Variants in TBL2 observed in about 807,000 individuals in gnomAD.
The protein encoded by TBL2 is transducin beta like 2, also known as transducin beta-like protein 2.
TBL2 carries 33 observed loss-of-function variants against 41.8 expected under a neutral mutation model. The observed-to-expected ratio is 0.79, with a 90% CI of 0.60 to 1.06. The LOEUF (loss-of-function observed/expected upper bound fraction) is 1.06, where lower values mean the gene tolerates loss of function less well. TBL2 is among the 50% of genes least tolerant of loss of function. TBL2 has a pLI of 0.00. For synonymous variants in TBL2, 239 were observed against 241.7 expected (o/e 0.99, Z 0.10); for missense variants, 522 against 603.8 (o/e 0.86, Z 1.42).
At chr7:73,573,755 T>C (rs1160926170) in intron 3 of TBL2, 183 bp downstream of exon 3, 1 of 802,242 alleles carries the variant, frequency 1.2e-6, no homozygotes, top group African/African-American at 1.7e-5. Flanking sequence ...GTTTCCTTGC[T>C]GTATAGCAGC....
rs1563451742 is a variant in TBL2 at position 73,573,930 on chromosome 7, T to C, written c.446+8A>G. The C allele has an allele frequency of 1.9e-6, 3 of 1,612,466 alleles. No individual in the cohort carries two copies. Among genetic ancestry groups the C allele is most frequent in the East Asian group, 4.5e-5 (2 of 44,886 alleles). ...TGCAGGCAAACCTGAGGCTCCGTCTTGTCCCACCTGCAGTCAGGGCTGAAG... is the reference window on the plus strand; with the variant it reads ...TGCAGGCAAACCTGAGGCTCCGTCTCGTCCCACCTGCAGTCAGGGCTGAAG... On this transcript the variant is annotated splice_region_variant and intron_variant, in intron 3 of 6. Transcript: ENST00000305632.
chr7:73,573,370 A>T lies in TBL2; in HGVS notation c.548T>A (p.Phe183Tyr). Residue 183 changes from phenylalanine (F) to tyrosine (Y), a missense_variant, in exon 4 of 7, where the codon TTC becomes TAC. Phe to Tyr is a conservative substitution (Grantham distance 22). Transcript: ENST00000305632. ...GACAGGCGCCTTGTGCTTTTTAGGG[A>T]AGTCCTCTGGGGTGGCTGTGAAGGT... The part of the protein sequence containing the change: ...GYTFTATPED[F>Y]PKKHKAPVID... The T allele has an allele frequency of 6.2e-7, 1 of 1,614,112 alleles. No homozygotes were observed.
intron 1 of TBL2, among the ~76,000 whole-genome samples, chr7:73,576,113 C>T (rs1380228638): frequency 1.3e-5 from 2 of 150,938 alleles, no homozygotes; most frequent in Non-Finnish European, 2.9e-5. Flanking sequence ...GCAAAAGTAC[C>T]GAACACAAGC....
At position 73,570,484 on chromosome 7, in the gene TBL2, C is replaced by T; in HGVS notation, c.*23G>A. The T allele has an allele frequency of 1.3e-6, 2 of 1,484,178 alleles. No individual in the cohort carries two copies. Among genetic ancestry groups the T allele is most frequent in the Non-Finnish European group, 1.8e-6 (2 of 1,118,760 alleles). 91.9% of individuals were successfully genotyped at this position (1,484,178 alleles called of 1,614,324 possible). On this transcript the variant is annotated 3_prime_UTR_variant, in exon 7 of 7. Coordinates refer to ENST00000305632, the MANE Select transcript of TBL2 (RefSeq NM_012453.4). ...GAGGCCAGATCCCTCCTCCTCAATC[C>T]TCTGCGCCGGGCCCTCCCAGAGTCA...
chr7:73,574,508 T>C lies in TBL2; in HGVS notation c.136A>G (p.Lys46Glu). The change falls in exon 2 of 7, where the codon AAA becomes GAA. Residue 46 changes from lysine (K) to glutamate (E), a missense_variant. Coordinates refer to ENST00000305632, the MANE Select transcript of TBL2 (RefSeq NM_012453.4). ...EERSGRPACQ[K>E]ANGFPPDKSS... ...TTGTCAGGTGGAAATCCATTTGCTT[T>C]TTGGCCTATAAGGAAGGGCCATGTT... 6.2e-7 allele frequency: 1 copy of C among 1,614,212 alleles called. No individual in the cohort carries two copies. The highest frequency in any genetic ancestry group is 8.5e-7 in the Non-Finnish European group (1 of 1,180,038).
In TBL2 at chr7:73,567,734, TTC is replaced by T. The variant is rs1408224450; in HGVS notation, c.*2771_*2772del. 1.3e-5 allele frequency among the ~76,000 whole-genome samples: 2 copies of T among 152,182 alleles called. No individual in the cohort carries two copies. The highest frequency in any genetic ancestry group is 4.8e-5 in the African/African-American group (2 of 41,450). The stretch of plus-strand genomic sequence containing the variant: ...CAAGAGAAGCTTGAGTGAGGGCACT[TTC>T]TGTCCTCAGAAGTCTGTGGAATGAC... On this transcript the variant is annotated 3_prime_UTR_variant, in exon 7 of 7. Transcript: ENST00000305632.
chr7:73,570,845 G>C lies in TBL2; in HGVS notation c.1006C>G (p.Arg336Gly), dbSNP rs1021616411. ...FEEAAGAAPC[R>G]LALSPNAQVL... is the part of the protein sequence containing the mutation. ...TGGGCGTTGGGGGAGAGGGCCAGGC[G>C]GCACGGCGCGGCACCCGCCGCCTCT... Residue 336 changes from arginine to glycine, a missense_variant, in exon 7 of 7, where the codon CGC becomes GGC. Physicochemically the swap from Arg to Gly is moderately radical, Grantham distance 125 (BLOSUM62 -2). Coordinates refer to ENST00000305632, the MANE Select transcript of TBL2 (RefSeq NM_012453.4). 6.2e-7 allele frequency: 1 copy of C among 1,613,660 alleles called. No homozygotes were observed. Among genetic ancestry groups the C allele is most frequent in the Admixed American group, 1.7e-5 (1 of 60,026 alleles).
chr7:73,574,202 G>A (rs1284288937), intron 2 of TBL2, 80 bp from the exon 3 acceptor site: 15 of 1,563,488 alleles, frequency 9.6e-6, no homozygotes, highest in Non-Finnish European at 1.2e-5. Context: ...GGGGAGATGG[G>A]GCCCTGTGGC....
In TBL2 at chr7:73,572,674, C is replaced by T. The variant is rs1378195863; in HGVS notation, c.725+170G>A. Among the ~76,000 whole-genome samples the T allele has an allele frequency of 2.6e-5, 4 of 152,174 alleles. No individual in the cohort carries two copies. The South Asian group carries it at 8.3e-4, about 32-fold the overall frequency. On this transcript the variant is annotated intron_variant, in intron 5 of 6. Coordinates refer to ENST00000305632, the MANE Select transcript of TBL2 (RefSeq NM_012453.4). ...AATAGCGACTAAGGACATGGGGCGA[C>T]CTGCATGAAATCCCACTACTGCAAG...
At chr7:73,578,256 G>A (rs1299203234) in intron 1 of TBL2, 164 bp downstream of exon 1, 1 of 1,532,936 alleles carries the variant, frequency 6.5e-7, no homozygotes, top group Non-Finnish European at 8.7e-7. Flanking sequence ...CCGGCAAGGC[G>A]GGTCCCCGTC....
Position 73,570,276 on chromosome 7 carries a change from GC to G in TBL2, c.*230del. Reference sequence around the variant, plus strand: ...GGTGGGGACAGATTCCACCCACTGGGCCTGGGAGGAAGAAAAGCACCTTGGC... The same window carrying G: ...GGTGGGGACAGATTCCACCCACTGGGCTGGGAGGAAGAAAAGCACCTTGGC... On this transcript the variant is annotated 3_prime_UTR_variant, in exon 7 of 7. Transcript: ENST00000305632. 2 of 599,288 alleles carry G rather than the reference GC, an allele frequency of 3.3e-6. No homozygotes were observed. The highest frequency in any genetic ancestry group is 5.3e-6 in the Non-Finnish European group (2 of 375,746). The allele number at this position is 599,288 out of a possible 1,614,324, so 37.1% of individuals were successfully genotyped here.
At position 73,570,320 on chromosome 7, in the gene TBL2, T is replaced by C; in HGVS notation, c.*187A>G. ...ACCTTGGCCACTAGTCAGGGAGGAG[T>C]CACAGCCAGCAAGAAGAGAGAGACC... On this transcript the variant is annotated 3_prime_UTR_variant, in exon 7 of 7. Transcript: ENST00000305632. 9.2e-7 allele frequency: 1 copy of C among 1,091,864 alleles called. No individual in the cohort carries two copies. The highest frequency in any genetic ancestry group is 2.8e-5 in the East Asian group (1 of 35,138). 67.6% of individuals were successfully genotyped at this position (1,091,864 alleles called of 1,614,324 possible). A position where few individuals can be genotyped will look rare whatever the true frequency, so the allele number is the denominator to read the frequency against.
Position 73,570,576 on chromosome 7 carries a change from G to A in TBL2, c.1275C>T (p.Arg425=). The change falls in exon 7 of 7, where the codon CGC becomes CGT. Residue 425 remains arginine (R), a synonymous_variant. Transcript: ENST00000305632. ...GGGTCAGCTGCTGCTGCAGCCTCTG[G>A]CGGGTGCTCTCGTTGGAGGCCCGCT... is the stretch of plus-strand genomic sequence containing the variant. ...HLKRASNEST[R]QRLQQQLTQA... 3.1e-6 allele frequency: 5 copies of A among 1,609,494 alleles called. No homozygotes were observed. The highest frequency in any genetic ancestry group is 4.2e-6 in the Non-Finnish European group (5 of 1,178,172).
Position 73,578,463 on chromosome 7 carries a change from C to T in TBL2, c.87G>A (p.Arg29=). Residue 29 remains arginine (R), a synonymous_variant, in exon 1 of 7, where the codon CGG becomes CGA. Transcript: ENST00000305632. The part of the protein sequence containing the change: ...LALMATAAVA[R]GWLRAGEERS... ...TCTCCTCCCCCGCGCGCAGCCACCC[C>T]CGCGCTACCGCCGCCGTCGCCATCA... 1 of 1,564,188 alleles carries T rather than the reference C, an allele frequency of 6.4e-7. No homozygotes were observed. The highest frequency in any genetic ancestry group is 8.6e-7 in the Non-Finnish European group (1 of 1,158,556).
chr7:73,570,878 G>A lies in TBL2; in HGVS notation c.973C>T (p.Arg325Cys), dbSNP rs202096872. The A allele has an allele frequency of 7.5e-5, 121 of 1,613,860 alleles. No homozygotes were observed. The South Asian group carries it at 1.1e-3, about 15-fold the overall frequency. The change falls in exon 7 of 7, where the codon CGC (arginine) becomes TGC (cysteine). Residue 325 changes from arginine (R) to cysteine (C), a missense_variant. Coordinates refer to ENST00000305632, the MANE Select transcript of TBL2 (RefSeq NM_012453.4). ...KQDPYLLKTG[R>C]FEEAAGAAPC... The stretch of plus-strand genomic sequence containing the variant: ...GCGGCACCCGCCGCCTCTTCAAAGC[G>A]GCCTGTCTTCAGCAAGTAGGGGTCC...
rs145427595 is a variant in TBL2 at position 73,578,537 on chromosome 7, G to C, written c.13C>G (p.Gln5Glu). The change falls in exon 1 of 7, where the codon CAG becomes GAG. Residue 5 changes from glutamine (Q) to glutamate (E), a missense_variant. By Grantham distance (29) the Gln-to-Glu change is conservative. Transcript: ENST00000305632. MELS[Q>E]MSELMGLSVL... is the part of the protein sequence containing the mutation. ...GACAGCCCCATGAGCTCCGACATCT[G>C]CGAGAGCTCCATGTTGGTGGAACCA... 594 of 1,593,128 alleles carry C rather than the reference G, an allele frequency of 3.7e-4. 5 individuals are homozygous for C. The highest frequency in any genetic ancestry group is 1.7e-3 in the Middle Eastern group (10 of 5,880).
intron 2 of TBL2, 130 bp from the exon 3 acceptor site, chr7:73,574,252 G>A: frequency 1.3e-6 from 2 of 1,518,868 alleles, no homozygotes; most frequent in Non-Finnish European, 1.8e-6. Context: ...GCGATGAGAG[G>A]GGACAGAATT....
chr7:73,571,768 A>AG (rs1324802000), intron 5 of TBL2: 1 of 167,408 alleles, frequency 6.0e-6, no homozygotes, highest in Non-Finnish European at 1.3e-5. Context: ...TCAGAAAAAA[A>AG]AAAAAAAAAA....
In TBL2 at chr7:73,570,101, C is replaced by G. The variant is rs143988787; in HGVS notation, c.*406G>C. ...TGGGAAGCTATCCCAGTCTCCCATC[C>G]TTGCAAAACTGCTGCTTAGTACTCA... On this transcript the variant is annotated 3_prime_UTR_variant, in exon 7 of 7. Coordinates refer to ENST00000305632, the MANE Select transcript of TBL2 (RefSeq NM_012453.4). 56 of 164,518 alleles carry G rather than the reference C, an allele frequency of 3.4e-4. No homozygotes were observed. Among genetic ancestry groups the G allele is most frequent in the African/African-American group, 1.2e-3 (52 of 41,880 alleles). The allele number at this position is 164,518 out of a possible 1,614,324, so 10.2% of individuals were successfully genotyped here.
Sources: allele counts gnomAD v4.1 joint callset (sites outside exome capture counted in the v4.1 genomes callset), GRCh38; gene constraint gnomAD v4.1.1; transcripts MANE v1.5; gene names NCBI Gene and HGNC (gene_info 2026-07-23, HGNC 2026-07-21).